Variants in UMAD1 observed in about 807,000 individuals in gnomAD.
UMAD1 encodes UBAP1-MVB12-associated (UMA) domain containing 1, also known as UBAP1-MVB12-associated (UMA)-domain containing protein 1.
A neutral mutation model predicts 6.1 loss-of-function variants in UMAD1; 8 were observed. That is an observed-to-expected ratio of 1.30 (90% CI 0.76 to 2.35). The LOEUF is 2.35. Among genes scored for constraint, UMAD1 ranks in the 30% most tolerant of loss-of-function variants. The pLI is 0.00. For missense variants in UMAD1, 130 were observed against 78.4 expected (o/e 1.66, Z -2.49); for synonymous variants, 56 against 31.4 (o/e 1.78, Z -2.61).
chr7:7,801,439 A>C (rs1782796791), intron 2 of UMAD1, among the ~76,000 whole-genome samples: 1 of 152,252 alleles, frequency 6.6e-6, no homozygotes, highest in African/African-American at 2.4e-5. Context: ...AATCTAGATA[A>C]AACAGGATAC....
At chr7:7,872,256 A>G (rs888783374) in intron 3 of UMAD1, among the ~76,000 whole-genome samples, 4 of 152,184 alleles carry the variant, frequency 2.6e-5, no homozygotes, top group African/African-American at 9.7e-5. Context: ...TTCCCACTAC[A>G]TATAAAAGTT....
At chr7:7,728,961 A>G (rs1219384762) in intron 2 of UMAD1, among the ~76,000 whole-genome samples, 1 of 152,242 alleles carries the variant, frequency 6.6e-6, no homozygotes, top group Admixed American at 6.5e-5. Flanking sequence ...CAGACATTAC[A>G]TATACGACAA....
intron 3 of UMAD1, among the ~76,000 whole-genome samples, chr7:7,813,116 A>G (rs1252801680): frequency 6.6e-6 from 1 of 152,118 alleles, no homozygotes; most frequent in Non-Finnish European, 1.5e-5. Context: ...GAATACATAG[A>G]AAAAAAATTA....
intron 1 of UMAD1, among the ~76,000 whole-genome samples, chr7:7,665,153 C>A (rs1388480452): frequency 2.0e-5 from 3 of 152,060 alleles, no homozygotes; most frequent in African/African-American, 7.2e-5. Flanking sequence ...AGGAGATAAT[C>A]AAATTGAGAA....
At chr7:7,805,826 T>G (rs1782901414) in intron 3 of UMAD1, among the ~76,000 whole-genome samples, 1 of 152,210 alleles carries the variant, frequency 6.6e-6, no homozygotes, top group Non-Finnish European at 1.5e-5. Flanking sequence ...CTACCTCAGC[T>G]AATGTGTCCT....
chr7:7,797,470 C>T (rs1282303018), intron 2 of UMAD1, among the ~76,000 whole-genome samples: 3 of 152,118 alleles, frequency 2.0e-5, no homozygotes, highest in African/African-American at 7.2e-5. Context: ...CACCTACCAC[C>T]AACCCCTTCA....
At position 7,657,692 on chromosome 7, in the gene UMAD1, C is replaced by T. The variant is rs570980097; in HGVS notation, c.-63-15617C>T. On this transcript the variant is annotated intron_variant, in intron 1 of 3. Coordinates refer to ENST00000682710, the MANE Select transcript of UMAD1 (RefSeq NM_001302348.2). ...GTATATCTCTGTTTTGGTACCCATA[C>T]CATGCTGTTTTGGTTACTGTAGTCT... 2.0e-5 allele frequency among the ~76,000 whole-genome samples: 3 copies of T among 152,136 alleles called. No individual in the cohort carries two copies. In the East Asian group the frequency reaches 5.8e-4, roughly 29 times the overall value.
At chr7:7,848,142 A>T (rs536089955) in intron 3 of UMAD1, among the ~76,000 whole-genome samples, 5 of 152,302 alleles carry the variant, frequency 3.3e-5, no homozygotes, top group Non-Finnish European at 7.4e-5. Context: ...TAACATTATT[A>T]ATCAACTACA....
intron 3 of UMAD1, among the ~76,000 whole-genome samples, chr7:7,857,536 G>T (rs1255433407): frequency 6.6e-6 from 1 of 152,218 alleles, no homozygotes; most frequent in Non-Finnish European, 1.5e-5. Flanking sequence ...CAGAGGACTT[G>T]TCTCAGGAAG....
rs114552774 is a variant in UMAD1, at chr7:7,874,674, G to A, written c.157-2607G>A. Among the ~76,000 whole-genome samples the A allele has an allele frequency of 6.9e-3, 1,048 of 152,036 alleles. 16 individuals are homozygous for A. The highest frequency in any genetic ancestry group is 0.024 in the African/African-American group (996 of 41,444). On this transcript the variant is annotated intron_variant, in intron 3 of 3. Transcript: ENST00000682710. ...TCTACTAAAAATACAAAAAGTAGCT[G>A]GACATTCCAGCCTGGGTGACAAGAG...
intron 3 of UMAD1, among the ~76,000 whole-genome samples, chr7:7,869,054 A>G (rs924210426): frequency 1.1e-4 from 16 of 152,258 alleles, no homozygotes; most frequent in Admixed American, 2.6e-4. Flanking sequence ...TAGGAATTAC[A>G]TAGGTGCAGG....
intron 3 of UMAD1, among the ~76,000 whole-genome samples, chr7:7,866,379 T>C (rs6463737): frequency 0.025 from 3,814 of 152,276 alleles, 169 homozygotes; most frequent in African/African-American, 0.086. Context: ...GAAGTATGCA[T>C]AAGCTGTTAA....
At chr7:7,745,157 G>C (rs934175084) in intron 2 of UMAD1, among the ~76,000 whole-genome samples, 7 of 152,162 alleles carry the variant, frequency 4.6e-5, no homozygotes, top group African/African-American at 1.7e-4. Flanking sequence ...AAGTGGAAGT[G>C]GATCATCATA....
In UMAD1 at chr7:7,832,476, A is replaced by G. The variant is rs537182649; in HGVS notation, c.156+30733A>G. ...TTTTTACAGGGTGCTTTTAATCACT[A>G]CAATGTAACTTCTACTTATACGGAA... On this transcript the variant is annotated intron_variant, in intron 3 of 3. Coordinates refer to ENST00000682710, the MANE Select transcript of UMAD1 (RefSeq NM_001302348.2). Among the ~76,000 whole-genome samples, 23 of 152,292 alleles carry G rather than the reference A, an allele frequency of 1.5e-4. 1 individual carries two copies. The highest frequency in any genetic ancestry group is 4.1e-4 in the South Asian group (2 of 4,828).
intron 2 of UMAD1, among the ~76,000 whole-genome samples, chr7:7,791,390 C>A (rs1350475822): frequency 6.6e-6 from 1 of 152,106 alleles, no homozygotes; most frequent in African/African-American, 2.4e-5. Context: ...ACTTATACTT[C>A]CAGCAGTATG....
chr7:7,789,864 G>C (rs1055767554), intron 2 of UMAD1, among the ~76,000 whole-genome samples: 9 of 152,122 alleles, frequency 5.9e-5, no homozygotes, highest in African/African-American at 2.2e-4. Context: ...GTGAAGACTA[G>C]GGTTGCTTCC....
intron 2 of UMAD1, among the ~76,000 whole-genome samples, chr7:7,731,241 C>G (rs148760150): frequency 6.6e-6 from 1 of 152,108 alleles, no homozygotes; most frequent in Non-Finnish European, 1.5e-5. Flanking sequence ...ACCTCGTGAT[C>G]CACCTGCCTA....
At chr7:7,761,033 C>T (rs985265743) in intron 2 of UMAD1, among the ~76,000 whole-genome samples, 1 of 152,076 alleles carries the variant, frequency 6.6e-6, no homozygotes, top group Non-Finnish European at 1.5e-5. Context: ...GTGGGCAGGA[C>T]CACCACTGAC....
chr7:7,651,045 G>A (rs2115550267), intron 1 of UMAD1, among the ~76,000 whole-genome samples: 1 of 152,264 alleles, frequency 6.6e-6, no homozygotes, highest in Non-Finnish European at 1.5e-5. Context: ...CCCCTCTGTA[G>A]CCAAAGAGAA....
Sources: allele counts gnomAD v4.1 joint callset (sites outside exome capture counted in the v4.1 genomes callset), GRCh38; gene constraint gnomAD v4.1.1; transcripts MANE v1.5; gene names NCBI Gene and HGNC (gene_info 2026-07-23, HGNC 2026-07-21).